The following LAMA2 variants were observed in gnomAD, a reference collection of about 807,000 sequenced individuals.
LAMA2 encodes the protein laminin subunit alpha-2.
In LAMA2, 269 loss-of-function variants were observed where a neutral mutation model predicts 364.8. That is an observed-to-expected ratio of 0.74 (90% CI 0.67 to 0.82). LAMA2 has a LOEUF of 0.82. Ranked by LOEUF, LAMA2 falls within the 40% of genes least tolerant of loss-of-function variation. The probability of loss-of-function intolerance (pLI) is 0.00; values close to 1 mark genes in which losing one functional copy is unlikely to be tolerated. For synonymous variants in LAMA2, 1,379 were observed against 1,370.6 expected (o/e 1.01, Z -0.14); for missense variants, 3,807 against 3,873.2 (o/e 0.98, Z 0.45).
chr6:129,162,069 A>C (rs1034784337), intron 8 of LAMA2, among the ~76,000 whole-genome samples: 1 of 152,046 alleles, frequency 6.6e-6, no homozygotes, highest in Non-Finnish European at 1.5e-5. Flanking sequence ...TTTTTGAGAA[A>C]TCTCCCAACG....
chr6:128,981,714 C>T (rs1396577516), intron 1 of LAMA2, among the ~76,000 whole-genome samples: 1 of 152,072 alleles, frequency 6.6e-6, no homozygotes, highest in African/African-American at 2.4e-5. Flanking sequence ...TGAGCCACTG[C>T]ACTCCAGCAT....
intron 1 of LAMA2, among the ~76,000 whole-genome samples, chr6:128,981,361 A>G (rs1245516746): frequency 6.6e-6 from 1 of 151,960 alleles, no homozygotes; most frequent in Admixed American, 6.6e-5. Flanking sequence ...AGTTGGATCT[A>G]CTTCCTTTCA....
intron 63 of LAMA2, among the ~76,000 whole-genome samples, chr6:129,513,722 A>C (rs1268646425): frequency 1.3e-5 from 2 of 152,136 alleles, no homozygotes; most frequent in Admixed American, 6.6e-5. Context: ...TTTCCACATT[A>C]CTAAAAACAG....
chr6:129,288,818 A>G (rs969290245), intron 19 of LAMA2, among the ~76,000 whole-genome samples: 3 of 152,198 alleles, frequency 2.0e-5, no homozygotes, highest in Non-Finnish European at 4.4e-5. Flanking sequence ...AGTGAATCCA[A>G]TGTTAGCATT....
intron 1 of LAMA2, among the ~76,000 whole-genome samples, chr6:128,943,595 C>T (rs570352179): frequency 2.0e-5 from 3 of 152,206 alleles, no homozygotes; most frequent in Non-Finnish European, 2.9e-5. Flanking sequence ...GCCTGACCAT[C>T]GTCCATATAT....
At chr6:129,288,158 T>C in intron 19 of LAMA2, 100 bp downstream of exon 19, 9 of 949,526 alleles carry the variant, frequency 9.5e-6, no homozygotes, top group Non-Finnish European at 1.4e-5. Context: ...GGAAATTATG[T>C]GGAATACATG....
At chr6:129,231,148 C>G (rs1232109764) in intron 12 of LAMA2, among the ~76,000 whole-genome samples, 1 of 152,002 alleles carries the variant, frequency 6.6e-6, no homozygotes, top group Admixed American at 6.6e-5. Context: ...TTCCCCAAAG[C>G]AAGGCTAGTT....
intron 33 of LAMA2, among the ~76,000 whole-genome samples, chr6:129,368,272 A>C (rs1430089942): frequency 6.6e-6 from 1 of 152,228 alleles, no homozygotes; most frequent in Non-Finnish European, 1.5e-5. Flanking sequence ...GTGTGAGGAC[A>C]CAGGGAGAAG....
At chr6:129,189,293 T>C (rs970487047) in intron 10 of LAMA2, among the ~76,000 whole-genome samples, 1 of 152,052 alleles carries the variant, frequency 6.6e-6, no homozygotes, top group Non-Finnish European at 1.5e-5. Flanking sequence ...AGGGGAAATG[T>C]AGAGAAAATG....
intron 29 of LAMA2, among the ~76,000 whole-genome samples, chr6:129,330,994 G>T (rs1483043410): frequency 6.6e-6 from 1 of 151,768 alleles, no homozygotes; most frequent in Non-Finnish European, 1.5e-5. Context: ...TCAGCCTCCT[G>T]AGTAGCTGGA....
Position 129,292,085 on chromosome 6 carries a change from G to A in LAMA2, c.2856+365G>A, listed in dbSNP as rs541891745. Reference sequence around the variant, plus strand: ...CTTGGGGCTGGGCGCGGTGGCTCATGCCTGTAATCCCAGCACTTTGGGAGG... The same window carrying A: ...CTTGGGGCTGGGCGCGGTGGCTCATACCTGTAATCCCAGCACTTTGGGAGG... On this transcript the variant is annotated intron_variant, in intron 20 of 64. Coordinates refer to ENST00000421865, the MANE Select transcript of LAMA2 (RefSeq NM_000426.4). Among the ~76,000 whole-genome samples, 8 of 152,294 alleles carry A rather than the reference G, an allele frequency of 5.3e-5. No homozygotes were observed. The East Asian group carries it at 1.5e-3, about 29-fold the overall frequency.
intron 18 of LAMA2, among the ~76,000 whole-genome samples, chr6:129,281,946 A>G (rs1788745171): frequency 1.3e-5 from 2 of 152,144 alleles, no homozygotes; most frequent in South Asian, 4.1e-4. Context: ...TGAGGGAAAC[A>G]TTTTTTGTTT....
intron 17 of LAMA2, among the ~76,000 whole-genome samples, chr6:129,275,032 A>G (rs1227770984): frequency 6.6e-6 from 1 of 151,980 alleles, no homozygotes; most frequent in Non-Finnish European, 1.5e-5. Flanking sequence ...CACTGTAAAT[A>G]CTACTGGTTT....
chr6:129,422,270 C>G (rs541616282), intron 40 of LAMA2, among the ~76,000 whole-genome samples: 60 of 152,136 alleles, frequency 3.9e-4, no homozygotes, highest in African/African-American at 1.4e-3. Context: ...GAAGAAATCA[C>G]TGACTTCCTA....
At chr6:128,958,449 G>A (rs578197836) in intron 1 of LAMA2, among the ~76,000 whole-genome samples, 314 of 152,104 alleles carry the variant, frequency 2.1e-3, no homozygotes, top group African/African-American at 7.0e-3. Flanking sequence ...TCATACAGTC[G>A]AAACCCTACA....
intron 32 of LAMA2, among the ~76,000 whole-genome samples, chr6:129,361,009 ATAGG>A (rs1169623975): frequency 1.3e-5 from 2 of 152,200 alleles, no homozygotes; most frequent in African/African-American, 4.8e-5. Context: ...CTTCTTGGAA[ATAGG>A]TAGGTTATAT....
At chr6:128,921,856 C>T (rs372838964) in intron 1 of LAMA2, among the ~76,000 whole-genome samples, 2 of 110,816 alleles carry the variant, frequency 1.8e-5, no homozygotes, top group African/African-American at 7.4e-5. Flanking sequence ...ATCCCTTCCC[C>T]CTCCCCCCAC....
At chr6:129,123,060 G>A (rs771551486) in intron 4 of LAMA2, among the ~76,000 whole-genome samples, 7 of 152,228 alleles carry the variant, frequency 4.6e-5, no homozygotes, top group Non-Finnish European at 8.8e-5. Context: ...TCAGCACTTT[G>A]GGAGGCTGAG....
intron 34 of LAMA2, among the ~76,000 whole-genome samples, 194 bp downstream of exon 34, chr6:129,370,184 A>T (rs1172386905): frequency 6.6e-6 from 1 of 152,212 alleles, no homozygotes; most frequent in Non-Finnish European, 1.5e-5. Flanking sequence ...AAAATTGGGG[A>T]TACCTGGAAA....
Sources: gnomAD v4.1 joint callset for allele counts (sites outside exome capture counted in the v4.1 genomes callset) on GRCh38, gnomAD v4.1.1 for gene constraint, MANE v1.5 for transcripts, NCBI Gene and HGNC (gene_info 2026-07-23, HGNC 2026-07-21) for gene names.